Variants in RGPD8 observed in about 807,000 individuals in gnomAD.
RGPD8 encodes RANBP2-like and GRIP domain-containing protein 8.
Under a neutral mutation model 89.1 loss-of-function variants are expected in RGPD8, and 15 were observed. The ratio of observed to expected loss-of-function variants is 0.17; its 90% CI spans 0.11 to 0.26. The LOEUF (loss-of-function observed/expected upper bound fraction) is 0.26. Ranked by LOEUF, RGPD8 falls within the 10% of genes least tolerant of loss-of-function variation. The pLI is 1.00. For synonymous variants in RGPD8, 62 were observed against 420.9 expected, an observed-to-expected ratio of 0.15 and a Z score of 10.44; for missense variants, 178 against 1,179.6, an observed-to-expected ratio of 0.15 and a Z score of 12.44.
chr2:112,374,518 G>C (rs1455018769), intron 22 of RGPD8, among the ~76,000 whole-genome samples: 1 of 140,150 alleles, frequency 7.1e-6, no homozygotes, highest in Non-Finnish European at 1.6e-5. Context: ...GAAGTCTATT[G>C]TGAGGCAATG....
intron 2 of RGPD8, 87 bp downstream of exon 2, chr2:112,424,153 A>G: frequency 1.4e-6 from 2 of 1,452,614 alleles, no homozygotes; most frequent in Non-Finnish European, 9.3e-7. Flanking sequence ...AGAACTACTA[A>G]GAACATATTT....
chr2:112,370,359 G>GGGGGGGGT (rs1249646916), intron 22 of RGPD8, 147 bp from the exon 23 acceptor site: 6 of 100,738 alleles, frequency 6.0e-5, no homozygotes, highest in South Asian at 2.7e-4. Flanking sequence ...GGGGGGGGGG[G>GGGGGGGGT]TTCTTTTTTT....
chr2:112,377,280 GTT>G lies in RGPD8; in HGVS notation c.5263+771_5263+772del, dbSNP rs1189164529. ...GGAAACCAACTCTAACTACATCATA[GTT>G]TTTTTTTTTTTTTTTTTTGAGATGG... On this transcript the variant is annotated intron_variant, in intron 22 of 22. Transcript: ENST00000302558. Among the ~76,000 whole-genome samples the G allele has an allele frequency of 1.2e-3, 65 of 52,446 alleles. 1 individual carries two copies. Among genetic ancestry groups the G allele is most frequent in the African/African-American group, 6.8e-3 (59 of 8,736 alleles). The allele number at this position is 52,446 out of a possible 152,430, so 34.4% of individuals were successfully genotyped here. A position where few individuals can be genotyped will look rare whatever the true frequency, so the allele number is the denominator to read the frequency against.
At chr2:112,424,058 T>C (rs1679655352) in intron 2 of RGPD8, among the ~76,000 whole-genome samples, 182 bp downstream of exon 2, 1 of 152,340 alleles carries the variant, frequency 6.6e-6, no homozygotes, top group African/African-American at 2.4e-5. Flanking sequence ...AAAACACTAA[T>C]TGCAGTTTCA....
At chr2:112,381,831 T>C (rs1185497956) in intron 20 of RGPD8, among the ~76,000 whole-genome samples, 7 of 151,696 alleles carry the variant, frequency 4.6e-5, no homozygotes, top group African/African-American at 1.7e-4. Context: ...GGGCAAGAGC[T>C]AGCATTTTAT....
Position 112,376,432 on chromosome 2 carries a change from T to C in RGPD8, c.5263+1621A>G, listed in dbSNP as rs1256948670. On this transcript the variant is annotated intron_variant, in intron 22 of 22. Transcript: ENST00000302558. The stretch of plus-strand genomic sequence containing the variant: ...CCCTGTAATGATTAAAACCCAAATA[T>C]AGAACTGCTATAGCATAAATGACCA... 1.2e-4 allele frequency among the ~76,000 whole-genome samples: 14 copies of C among 118,616 alleles called. No individual in the cohort carries two copies. In the Admixed American group the frequency reaches 1.2e-3, roughly 10 times the overall value. 77.8% of individuals were successfully genotyped at this position (118,616 alleles called of 152,430 possible). A position where few individuals can be genotyped will look rare whatever the true frequency, so the allele number is the denominator to read the frequency against.
At chr2:112,426,608 A>G (rs1262464720) in intron 1 of RGPD8, among the ~76,000 whole-genome samples, 1 of 147,854 alleles carries the variant, frequency 6.8e-6, no homozygotes, top group African/African-American at 2.5e-5. Context: ...CGCATCTAAA[A>G]GAAAAAAATG....
intron 22 of RGPD8, among the ~76,000 whole-genome samples, chr2:112,370,806 G>C (rs1677944351): frequency 6.7e-6 from 1 of 149,294 alleles, no homozygotes; most frequent in African/African-American, 2.5e-5. Flanking sequence ...AAGCAATCTA[G>C]AACTTAACCT....
rs540925125 is a variant in RGPD8 at position 112,424,206 on chromosome 2, A to G, written c.140+34T>C. ...GAAAATGAGAAAAGGCATTGATTTT[A>G]AAAAAAAGAATACATGTTACGGTTT... is the stretch of plus-strand genomic sequence containing the variant. On this transcript the variant is annotated intron_variant, in intron 2 of 22. Transcript: ENST00000302558. 8.8e-3 allele frequency: 13,722 copies of G among 1,567,042 alleles called. 531 individuals carry two copies. In the African/African-American group the frequency reaches 0.17, roughly 19 times the overall value.
At chr2:112,426,367 C>A (rs1336281826) in intron 1 of RGPD8, among the ~76,000 whole-genome samples, 37 of 151,012 alleles carry the variant, frequency 2.5e-4, no homozygotes, top group Non-Finnish European at 2.7e-4. Context: ...GATTCGTGTC[C>A]TGGGTAGGAC....
Position 112,429,284 on chromosome 2 carries a change from T to G in RGPD8, c.72+4098A>C, listed in dbSNP as rs1253556575. 6.0e-5 allele frequency among the ~76,000 whole-genome samples: 9 copies of G among 150,078 alleles called. No homozygotes were observed. The East Asian group carries it at 1.8e-3, about 29-fold the overall frequency. On this transcript the variant is annotated intron_variant, in intron 1 of 22. Coordinates refer to ENST00000302558, the MANE Select transcript of RGPD8 (RefSeq NM_001164463.1). ...AAATGCTAAAAAATTAGCCGAGTGT[T>G]GTGGCGGGTGCCTGTAGTCCCAGCT...
At chr2:112,425,674 A>G (rs2699688) in intron 1 of RGPD8, among the ~76,000 whole-genome samples, 32 of 151,168 alleles carry the variant, frequency 2.1e-4, no homozygotes, top group East Asian at 7.8e-4. Context: ...GCAAAGAATC[A>G]CTTGAACCCG....
chr2:112,402,530 A>AAAGAT, intron 9 of RGPD8, among the ~76,000 whole-genome samples: 1 of 151,876 alleles, frequency 6.6e-6, no homozygotes, highest in Non-Finnish European at 1.5e-5. Flanking sequence ...AAAGAAAAGA[A>AAAGAT]AAGGTTATGC....
At chr2:112,423,618 C>T (rs971592525) in intron 2 of RGPD8, among the ~76,000 whole-genome samples, 5 of 140,782 alleles carry the variant, frequency 3.6e-5, no homozygotes, top group East Asian at 2.1e-4. Flanking sequence ...GTGGGAAGAT[C>T]GCTTGAGCCC....
At chr2:112,402,495 C>A (rs866725184) in intron 9 of RGPD8, among the ~76,000 whole-genome samples, 5 of 147,004 alleles carry the variant, frequency 3.4e-5, no homozygotes, top group African/African-American at 1.0e-4. Flanking sequence ...GTCTCAAAAA[C>A]AAGAAAAGAA....
intron 1 of RGPD8, among the ~76,000 whole-genome samples, chr2:112,430,874 T>C (rs1284839550): frequency 6.6e-6 from 1 of 152,066 alleles, no homozygotes; most frequent in Non-Finnish European, 1.5e-5. Context: ...GGAGGACGGA[T>C]TGAGCCCAGG....
chr2:112,374,375 AG>A (rs1170059858), intron 22 of RGPD8, among the ~76,000 whole-genome samples: 6 of 152,046 alleles, frequency 3.9e-5, no homozygotes, highest in Admixed American at 3.3e-4. Context: ...TTTTGCTTGA[AG>A]TACATCATTA....
intron 1 of RGPD8, among the ~76,000 whole-genome samples, chr2:112,429,963 C>A (rs1405988172): frequency 1.3e-5 from 2 of 152,068 alleles, no homozygotes; most frequent in Non-Finnish European, 2.9e-5. Flanking sequence ...GCTGCCACCA[C>A]GCCCGGCTCA....
chr2:112,377,463 G>C (rs1485900679), intron 22 of RGPD8, among the ~76,000 whole-genome samples: 1 of 102,304 alleles, frequency 9.8e-6, no homozygotes, highest in African/African-American at 3.1e-5. Flanking sequence ...ATTTTTAGTA[G>C]AGACGAGATT....
Sources: allele counts gnomAD v4.1 joint callset (sites outside exome capture counted in the v4.1 genomes callset), GRCh38; gene constraint gnomAD v4.1.1; transcripts MANE v1.5; gene names NCBI Gene and HGNC (gene_info 2026-07-23, HGNC 2026-07-21).